The following ITK variants were observed in gnomAD, a reference collection of about 807,000 sequenced individuals.
The protein encoded by ITK is tyrosine-protein kinase ITK/TSK.
Under a neutral mutation model 87.6 loss-of-function variants are expected in ITK, and 45 were observed. The observed-to-expected ratio is 0.51, with a 90% CI of 0.40 to 0.66. The LOEUF is 0.66. Ranked by LOEUF, ITK falls within the 30% of genes least tolerant of loss-of-function variation. The probability of loss-of-function intolerance (pLI) is 0.00; values close to 1 mark genes in which losing one functional copy is unlikely to be tolerated. For missense variants in ITK, 605 were observed against 766.3 expected (o/e 0.79, Z 2.48); for synonymous variants, 303 against 273.6 (o/e 1.11, Z -1.06).
rs1352611164 is a variant in ITK, at chr5:157,252,854, A to G, written c.*176A>G. ...GCATCCTGACCACAGCTGGCAGTCA[A>G]GCCACAGCTGGAGGGTCAGCCACCA... On this transcript the variant is annotated 3_prime_UTR_variant, in exon 17 of 17. Transcript: ENST00000422843. 6.1e-6 allele frequency: 4 copies of G among 658,956 alleles called. No homozygotes were observed. Among genetic ancestry groups the G allele is most frequent in the Non-Finnish European group, 1.1e-5 (4 of 359,156 alleles). 40.8% of individuals were successfully genotyped at this position (658,956 alleles called of 1,614,324 possible). A position where few individuals can be genotyped will look rare whatever the true frequency, so the allele number is the denominator to read the frequency against.
chr5:157,240,426 T>G, intron 10 of ITK: 1 of 581,422 alleles, frequency 1.7e-6, no homozygotes, highest in Admixed American at 2.8e-5. Context: ...AGCAACCCCC[T>G]GCCACATCCC....
intron 16 of ITK, among the ~76,000 whole-genome samples, chr5:157,252,226 A>C (rs1257613294): frequency 2.6e-5 from 4 of 152,148 alleles, no homozygotes; most frequent in African/African-American, 4.8e-5. Context: ...TTATACCCAG[A>C]TATTTCATTT....
Position 157,248,957 on chromosome 5 carries a change from C to G in ITK, c.1741C>G (p.Arg581Gly), listed in dbSNP as rs34482255. Residue 581 changes from arginine (R) to glycine (G), a missense_variant, in exon 16 of 17, where the codon CGG becomes GGG. By Grantham distance (125) the Arg-to-Gly change is moderately radical. Transcript: ENST00000422843. Reference sequence around the variant, plus strand: ...TACCGGATTTCGGTTGTACAAGCCCCGGCTGGCCTCCACACACGTCTACCA... The same window carrying G: ...TACCGGATTTCGGTTGTACAAGCCCGGGCTGGCCTCCACACACGTCTACCA... ...ISTGFRLYKP[R>G]LASTHVYQIM... The G allele has an allele frequency of 3.7e-6, 6 of 1,613,766 alleles. No homozygotes were observed. In the Admixed American group the frequency reaches 8.3e-5, roughly 22 times the overall value.
chr5:157,193,105 C>A (rs1026517111), intron 1 of ITK, among the ~76,000 whole-genome samples: 1 of 152,088 alleles, frequency 6.6e-6, no homozygotes, highest in African/African-American at 2.4e-5. Flanking sequence ...ACCTATAGTC[C>A]AGCTATTTGG....
At chr5:157,189,617 G>T (rs957218912) in intron 1 of ITK, among the ~76,000 whole-genome samples, 1 of 152,142 alleles carries the variant, frequency 6.6e-6, no homozygotes, top group Non-Finnish European at 1.5e-5. Flanking sequence ...GGAGGCAGAG[G>T]TTGCAGTAGG....
In ITK at chr5:157,241,659, A is replaced by G; in HGVS notation, c.999A>G (p.Arg333=). Residue 333 remains arginine, a synonymous_variant, in exon 11 of 17, where the codon CGA becomes CGG. Transcript: ENST00000422843. The part of the protein sequence containing the change: ...HQHNGGGLVT[R]LRYPVCFGRQ... ...CAATCAACCCAGGCCTGGTGACTCG[A>G]CTCCGGTATCCAGTTTGTTTTGGGA... 1 of 1,613,832 alleles carries G rather than the reference A, an allele frequency of 6.2e-7. No individual in the cohort carries two copies. The highest frequency in any genetic ancestry group is 8.5e-7 in the Non-Finnish European group (1 of 1,179,850).
chr5:157,191,139 A>T (rs560727044), intron 1 of ITK, among the ~76,000 whole-genome samples: 1 of 147,998 alleles, frequency 6.8e-6, no homozygotes, highest in East Asian at 1.9e-4. Context: ...TTATTTATTT[A>T]TTTTATTTTT....
rs546548192 is a variant in ITK, at chr5:157,180,890, C to A, written c.-88C>A. 46 of 1,328,272 alleles carry A rather than the reference C, an allele frequency of 3.5e-5. No individual in the cohort carries two copies. The South Asian group carries it at 4.8e-4, about 14-fold the overall frequency. The allele number at this position is 1,328,272 out of a possible 1,614,324, so 82.3% of individuals were successfully genotyped here. A position where few individuals can be genotyped will look rare whatever the true frequency, so the allele number is the denominator to read the frequency against. On this transcript the variant is annotated 5_prime_UTR_variant, in exon 1 of 17. Coordinates refer to ENST00000422843, the MANE Select transcript of ITK (RefSeq NM_005546.4). The stretch of plus-strand genomic sequence containing the variant: ...GCAGCTCTCTGAAGATCAACTGCCT[C>A]CACATTGCATTCTTTGCCCCAAAAC...
At chr5:157,247,590 G>A (rs900257055) in intron 15 of ITK, among the ~76,000 whole-genome samples, 1 of 152,186 alleles carries the variant, frequency 6.6e-6, no homozygotes, top group African/African-American at 2.4e-5. Flanking sequence ...TTACAGGGTT[G>A]GGCTGAAATT....
chr5:157,213,138 A>G (rs2113755055), intron 3 of ITK, among the ~76,000 whole-genome samples: 1 of 152,296 alleles, frequency 6.6e-6, no homozygotes, highest in South Asian at 2.1e-4. Context: ...GAAACTTACA[A>G]TCATGGTGGA....
chr5:157,209,060 G>A (rs746714537), intron 2 of ITK, 67 bp downstream of exon 2: 192 of 1,083,230 alleles, frequency 1.8e-4, no homozygotes, highest in Non-Finnish European at 2.7e-4. Context: ...TCACAGCCGG[G>A]TGCAGTGGTT....
At chr5:157,204,573 C>T (rs1273895154) in intron 1 of ITK, among the ~76,000 whole-genome samples, 1 of 152,118 alleles carries the variant, frequency 6.6e-6, no homozygotes, top group East Asian at 1.9e-4. Context: ...GTGGCACATG[C>T]CTGTAGTCCC....
In ITK at chr5:157,252,928, GCCTCTTGTCA is replaced by G. The variant is rs1230903781; in HGVS notation, c.*252_*261del. On this transcript the variant is annotated 3_prime_UTR_variant, in exon 17 of 17. Coordinates refer to ENST00000422843, the MANE Select transcript of ITK (RefSeq NM_005546.4). ...GAGTGATGTCTCTGCCCTTCCTCTA[GCCTCTTGTCA>G]CATGTGGTGCACAAACCTCAACCTG... 6 of 547,776 alleles carry G rather than the reference GCCTCTTGTCA, an allele frequency of 1.1e-5. No homozygotes were observed. The highest frequency in any genetic ancestry group is 5.6e-5 in the African/African-American group (3 of 53,182). The allele number at this position is 547,776 out of a possible 1,614,324, so 33.9% of individuals were successfully genotyped here.
intron 1 of ITK, among the ~76,000 whole-genome samples, chr5:157,200,726 AAGAGCAAGCCTG>A (rs1158027850): frequency 6.6e-6 from 1 of 152,178 alleles, no homozygotes; most frequent in Non-Finnish European, 1.5e-5. Context: ...ATCCCAACAG[AAGAGCAAGCCTG>A]AGAGCAAGCT....
At chr5:157,233,932 C>CATACATATATAT (rs1285827435) in intron 8 of ITK, among the ~76,000 whole-genome samples, 2 of 21,514 alleles carry the variant, frequency 9.3e-5, no homozygotes, top group Non-Finnish European at 1.6e-4. Flanking sequence ...CTTACTGATA[C>CATACATATATAT]ATATATATAT....
At chr5:157,221,587 A>G (rs1754414788) in intron 5 of ITK, among the ~76,000 whole-genome samples, 1 of 152,132 alleles carries the variant, frequency 6.6e-6, no homozygotes, top group South Asian at 2.1e-4. Context: ...TTGCATGATT[A>G]TTAGAAAAAA....
chr5:157,188,372 G>A (rs1468867419), intron 1 of ITK, among the ~76,000 whole-genome samples: 1 of 152,080 alleles, frequency 6.6e-6, no homozygotes, highest in Non-Finnish European at 1.5e-5. Context: ...CCTTCATCCT[G>A]TGGTCCCAGC....
chr5:157,201,736 C>CAA (rs34192469), intron 1 of ITK, among the ~76,000 whole-genome samples: 78 of 114,462 alleles, frequency 6.8e-4, no homozygotes, highest in Middle Eastern at 4.7e-3. Flanking sequence ...TAATTTTCCA[C>CAA]AAAAAAAAAA....
chr5:157,221,066 GT>G (rs1476405480), intron 5 of ITK, among the ~76,000 whole-genome samples: 3 of 152,010 alleles, frequency 2.0e-5, no homozygotes, highest in African/African-American at 7.2e-5. Flanking sequence ...ATCAACAAAT[GT>G]TCTAACTGTA....
Sources: allele counts gnomAD v4.1 joint callset (sites outside exome capture counted in the v4.1 genomes callset), GRCh38; gene constraint gnomAD v4.1.1; transcripts MANE v1.5; gene names NCBI Gene and HGNC (gene_info 2026-07-23, HGNC 2026-07-21).